WIPF3: variants seen among roughly 807,000 people sequenced by gnomAD.
The protein encoded by WIPF3 is WAS/WASL interacting protein family member 3.
A neutral mutation model predicts 38.9 loss-of-function variants in WIPF3; 33 were observed. The ratio of observed to expected loss-of-function variants is 0.85; its 90% CI spans 0.64 to 1.14. The LOEUF is 1.14. Ranked by LOEUF, WIPF3 falls within the 50% of genes most tolerant of loss-of-function variation. The pLI, the probability that WIPF3 is intolerant of heterozygous loss-of-function variation, is 0.00. For missense variants in WIPF3, 711 were observed against 652.5 expected (o/e 1.09, Z -0.98); for synonymous variants, 324 against 269.3 (o/e 1.20, Z -1.99).
intron 8 of WIPF3, chr7:29,905,991 A>G (rs964959291): frequency 4.6e-5 from 7 of 152,240 alleles, no homozygotes; most frequent in Admixed American, 3.3e-4. Flanking sequence ...ACTGATTCTT[A>G]GCACAGAGAC....
chr7:29,906,606 A>C (rs946135970), intron 8 of WIPF3, among the ~76,000 whole-genome samples: 1 of 152,172 alleles, frequency 6.6e-6, no homozygotes, highest in Non-Finnish European at 1.5e-5. Flanking sequence ...GAAAAAGGGT[A>C]AAAAAGACTC....
At chr7:29,830,962 G>T (rs996684807) in intron 1 of WIPF3, among the ~76,000 whole-genome samples, 1 of 152,114 alleles carries the variant, frequency 6.6e-6, no homozygotes, top group South Asian at 2.1e-4. Context: ...CAGTACTCAC[G>T]GTGCTTTTGT....
At chr7:29,829,727 A>G (rs918039963) in intron 1 of WIPF3, among the ~76,000 whole-genome samples, 2 of 152,210 alleles carry the variant, frequency 1.3e-5, no homozygotes, top group Non-Finnish European at 2.9e-5. Flanking sequence ...ACGGCCAGGA[A>G]AAGGGAAAGG....
rs756697941 is a variant in WIPF3 at position 29,904,364 on chromosome 7, T to C, written c.1428+2T>C. 4.1e-5 allele frequency: 66 copies of C among 1,613,654 alleles called. No individual in the cohort carries two copies. The highest frequency in any genetic ancestry group is 5.1e-5 in the Non-Finnish European group (60 of 1,179,708). On this transcript the variant is annotated splice_donor_variant, in intron 8 of 8. Coordinates refer to ENST00000242140, the MANE Select transcript of WIPF3 (RefSeq NM_001080529.3). LOFTEE classifies it high-confidence loss of function. ...GACATCAAAGGCAGAAATTCTCAGG[T>C]AACACAAGCCTCATGTCTCTGAATG...
chr7:29,876,187 A>G (rs1785593167), intron 3 of WIPF3, among the ~76,000 whole-genome samples: 2 of 152,274 alleles, frequency 1.3e-5, no homozygotes, highest in African/African-American at 4.8e-5. Flanking sequence ...TATGCTAAAA[A>G]GAACAACTCT....
rs192233796 is a variant in WIPF3 at position 29,887,990 on chromosome 7, G to T, written c.1100-78G>T. On this transcript the variant is annotated intron_variant, in intron 5 of 8. Transcript: ENST00000242140. ...TCATATTACATCTGAAGATAGAAAT[G>T]CCTAATATCTCACATAAGGTTATAG... 57 of 1,560,048 alleles carry T rather than the reference G, an allele frequency of 3.7e-5. 2 individuals carry two copies. The Admixed American group carries it at 6.2e-4, about 17-fold the overall frequency.
chr7:29,837,305 G>C (rs1784821181), intron 2 of WIPF3, among the ~76,000 whole-genome samples: 1 of 150,582 alleles, frequency 6.6e-6, no homozygotes, highest in African/African-American at 2.4e-5. Context: ...GCGGTGAGCC[G>C]AGACCACGCC....
chr7:29,875,685 T>C (rs1436068558), intron 2 of WIPF3, 145 bp from the exon 3 acceptor site: 16 of 1,066,150 alleles, frequency 1.5e-5, no homozygotes, highest in Non-Finnish European at 2.2e-5. Flanking sequence ...GACCCAAAAG[T>C]GTCTCTCCCA....
chr7:29,866,604 A>C (rs966469527), intron 2 of WIPF3, among the ~76,000 whole-genome samples: 1 of 152,244 alleles, frequency 6.6e-6, no homozygotes, highest in Admixed American at 6.5e-5. Context: ...TAATGCACTC[A>C]TCAGGCTCTT....
At chr7:29,853,761 C>T (rs139625287) in intron 2 of WIPF3, among the ~76,000 whole-genome samples, 84 of 152,332 alleles carry the variant, frequency 5.5e-4, no homozygotes, top group Non-Finnish European at 1.0e-3. Context: ...CTACCTATCT[C>T]ATTATGGCTG....
Position 29,875,879 on chromosome 7 carries a change from G to A in WIPF3, c.140G>A (p.Ser47Asn). The part of the protein sequence containing the change: ...SLRRADPKGR[S>N]ALLADIQQGT... ...CGAAGGGCAGATCCGAAAGGCCGGA[G>A]TGCGCTGTTGGCTGATATCCAGCAA... Residue 47 changes from serine (S) to asparagine (N), a missense_variant, in exon 3 of 9, where the codon AGT becomes AAT. Transcript: ENST00000242140. 1 of 1,614,082 alleles carries A rather than the reference G, an allele frequency of 6.2e-7. No individual in the cohort carries two copies. The highest frequency in any genetic ancestry group is 8.5e-7 in the Non-Finnish European group (1 of 1,179,912).
At chr7:29,808,366 C>T (rs1262554025) in intron 1 of WIPF3, among the ~76,000 whole-genome samples, 1 of 152,220 alleles carries the variant, frequency 6.6e-6, no homozygotes, top group Non-Finnish European at 1.5e-5. Flanking sequence ...TGCATCACCT[C>T]CTGTGATTCG....
At chr7:29,861,101 C>A (rs1583607316) in intron 2 of WIPF3, among the ~76,000 whole-genome samples, 1 of 152,098 alleles carries the variant, frequency 6.6e-6, no homozygotes, top group Non-Finnish European at 1.5e-5. Flanking sequence ...GCCAGCAAAG[C>A]CCAGAGGTAG....
At chr7:29,900,514 G>A (rs887130747) in intron 7 of WIPF3, among the ~76,000 whole-genome samples, 2 of 152,150 alleles carry the variant, frequency 1.3e-5, no homozygotes, top group Admixed American at 1.3e-4. Context: ...GGAGGTTGAG[G>A]AAGGAGTGAT....
intron 8 of WIPF3, among the ~76,000 whole-genome samples, chr7:29,911,853 C>T (rs899775998): frequency 6.6e-6 from 1 of 152,156 alleles, no homozygotes; most frequent in Non-Finnish European, 1.5e-5. Flanking sequence ...AGGGCAAAAC[C>T]TTCATGACAC....
chr7:29,866,233 C>A (rs937956407), intron 2 of WIPF3, among the ~76,000 whole-genome samples: 1 of 152,240 alleles, frequency 6.6e-6, no homozygotes, highest in African/African-American at 2.4e-5. Flanking sequence ...CTTGAACTTT[C>A]TAGAAATTTT....
chr7:29,835,722 G>A (rs941884635), intron 2 of WIPF3, among the ~76,000 whole-genome samples: 10 of 152,200 alleles, frequency 6.6e-5, no homozygotes, highest in Admixed American at 5.9e-4. Context: ...TCAGTGAGGG[G>A]CGTCTCGCAT....
At chr7:29,809,810 G>A (rs1784342379) in intron 1 of WIPF3, among the ~76,000 whole-genome samples, 1 of 152,204 alleles carries the variant, frequency 6.6e-6, no homozygotes, top group African/African-American at 2.4e-5. Context: ...TGACAAAAAT[G>A]CCCAGCGGGC....
In WIPF3 at chr7:29,884,132, C is replaced by G. The variant is rs750787510; in HGVS notation, c.638C>G (p.Pro213Arg). ...GGCCCACTGACCAAAGGGAACCTCC[C>G]GGTGGTTGCACCCCCCGTCCCCTGT... ...PPGPLTKGNL[P>R]VVAPPVPCAP... Residue 213 changes from proline (P) to arginine (R), a missense_variant, in exon 5 of 9, where the codon CCG (proline) becomes CGG (arginine). By Grantham distance (103) the Pro-to-Arg change is moderately radical (BLOSUM62 -2). Coordinates refer to ENST00000242140, the MANE Select transcript of WIPF3 (RefSeq NM_001080529.3). 5.2e-6 allele frequency: 8 copies of G among 1,534,052 alleles called. No homozygotes were observed. Among genetic ancestry groups the G allele is most frequent in the South Asian group, 4.9e-5 (4 of 81,956 alleles).
Sources: allele counts gnomAD v4.1 joint callset (sites outside exome capture counted in the v4.1 genomes callset), GRCh38; gene constraint gnomAD v4.1.1; transcripts MANE v1.5; gene names NCBI Gene and HGNC (gene_info 2026-07-23, HGNC 2026-07-21).